ITGA8: variants seen among roughly 807,000 people sequenced by gnomAD.
The protein encoded by ITGA8 is integrin alpha-8.
Under a neutral mutation model 142.3 loss-of-function variants are expected in ITGA8, and 91 were observed. That is an observed-to-expected ratio of 0.64 (90% CI 0.54 to 0.76). The LOEUF (loss-of-function observed/expected upper bound fraction) is 0.76. Among genes scored for constraint, ITGA8 ranks in the 30% least tolerant of loss-of-function variants. The pLI, the probability that ITGA8 is intolerant of heterozygous loss-of-function variation, is 0.00. For synonymous variants in ITGA8, 505 were observed against 485.2 expected (o/e 1.04, Z -0.54); for missense variants, 1,406 against 1,327.7 (o/e 1.06, Z -0.92).
intron 2 of ITGA8, among the ~76,000 whole-genome samples, chr10:15,703,467 G>T (rs569522238): frequency 6.6e-6 from 1 of 152,278 alleles, no homozygotes; most frequent in South Asian, 2.1e-4. Flanking sequence ...AATACCTATG[G>T]ATTATACGAT....
intron 13 of ITGA8, 72 bp downstream of exon 13, chr10:15,643,958 G>A: frequency 7.3e-7 from 1 of 1,367,158 alleles, no homozygotes; most frequent in Non-Finnish European, 1.0e-6. Context: ...GCCTTTGCAT[G>A]ATGCATTTTT....
At chr10:15,598,024 G>A (rs879398414) in intron 20 of ITGA8, among the ~76,000 whole-genome samples, 5 of 152,064 alleles carry the variant, frequency 3.3e-5, no homozygotes, top group South Asian at 2.1e-4. Flanking sequence ...CTTCATGTCC[G>A]CATGCTTTTC....
rs1327333344 is a variant in ITGA8 at position 15,549,985 on chromosome 10, C to G, written c.2767-1417G>C. ...GGTGCTGATGTTGTTTGGCTATGTC[C>G]CCACCCAAATCTCATCTTGAATTGT... On this transcript the variant is annotated intron_variant, in intron 26 of 29. Transcript: ENST00000378076. 2.0e-5 allele frequency among the ~76,000 whole-genome samples: 3 copies of G among 152,096 alleles called. No individual in the cohort carries two copies. The East Asian group carries it at 5.8e-4, about 29-fold the overall frequency.
chr10:15,594,090 T>G (rs1464991153), intron 21 of ITGA8, among the ~76,000 whole-genome samples: 1 of 152,100 alleles, frequency 6.6e-6, no homozygotes, highest in East Asian at 1.9e-4. Context: ...TCCGCCCGCC[T>G]TGACCTCCCC....
intron 13 of ITGA8, among the ~76,000 whole-genome samples, chr10:15,626,606 C>T (rs998941935): frequency 1.3e-5 from 2 of 152,032 alleles, no homozygotes; most frequent in East Asian, 3.9e-4. Flanking sequence ...TGTCGTGAAA[C>T]AATGAACCTC....
At chr10:15,568,515 C>T (rs963711957) in intron 25 of ITGA8, among the ~76,000 whole-genome samples, 1 of 152,120 alleles carries the variant, frequency 6.6e-6, no homozygotes, top group Non-Finnish European at 1.5e-5. Flanking sequence ...AATACCTGAA[C>T]CTTGTTTGGG....
rs941232119 is a variant in ITGA8 at position 15,694,146 on chromosome 10, C to A, written c.344-6108G>T. Among the ~76,000 whole-genome samples, 303 of 143,088 alleles carry A rather than the reference C, an allele frequency of 2.1e-3. 2 individuals carry two copies. Among genetic ancestry groups the A allele is most frequent in the African/African-American group, 6.7e-3 (261 of 39,218 alleles). The allele number at this position is 143,088 out of a possible 152,430, so 93.9% of individuals were successfully genotyped here. A position where few individuals can be genotyped will look rare whatever the true frequency, so the allele number is the denominator to read the frequency against. The stretch of plus-strand genomic sequence containing the variant: ...TATCTATATTATATAGATAATATAT[C>A]ATATATCAGATAATATATCATATAT... On this transcript the variant is annotated intron_variant, in intron 2 of 29. Coordinates refer to ENST00000378076, the MANE Select transcript of ITGA8 (RefSeq NM_003638.3).
intron 28 of ITGA8, among the ~76,000 whole-genome samples, chr10:15,521,139 C>T (rs1833059916): frequency 6.6e-6 from 1 of 152,192 alleles, no homozygotes; most frequent in African/African-American, 2.4e-5. Context: ...GTGCCTTAGC[C>T]TCCCCAGTAG....
chr10:15,570,937 G>C (rs1834169721), intron 25 of ITGA8, among the ~76,000 whole-genome samples: 2 of 152,142 alleles, frequency 1.3e-5, no homozygotes, highest in Non-Finnish European at 2.9e-5. Flanking sequence ...TGCAATGCAG[G>C]ATATGTAAAA....
chr10:15,640,238 C>A (rs1013519455), intron 13 of ITGA8, among the ~76,000 whole-genome samples: 1 of 152,162 alleles, frequency 6.6e-6, no homozygotes, highest in Non-Finnish European at 1.5e-5. Context: ...TCCACGGGAC[C>A]GACCTGGGTG....
At position 15,608,216 on chromosome 10, in the gene ITGA8, A is replaced by G. The variant is rs758181311; in HGVS notation, c.1609+19T>C. 39 of 1,567,366 alleles carry G rather than the reference A, an allele frequency of 2.5e-5. No individual in the cohort carries two copies. The highest frequency in any genetic ancestry group is 2.9e-5 in the Non-Finnish European group (33 of 1,144,294). On this transcript the variant is annotated intron_variant, in intron 16 of 29. Transcript: ENST00000378076. ...TTTCTTAGTATACCATAAGAATGTA[A>G]AAATGAAAACATGCTTACCTATTGT...
At chr10:15,536,897 C>T (rs7911423) in intron 27 of ITGA8, among the ~76,000 whole-genome samples, 8,362 of 152,240 alleles carry the variant, frequency 0.055, 740 homozygotes, top group African/African-American at 0.19. Flanking sequence ...CTCCCAACTT[C>T]CAGCTGCTTA....
At chr10:15,687,449 G>A (rs1834852194) in intron 3 of ITGA8, among the ~76,000 whole-genome samples, 2 of 152,146 alleles carry the variant, frequency 1.3e-5, no homozygotes, top group Admixed American at 6.5e-5. Flanking sequence ...ATTTGAGAAT[G>A]AGTGTTTTTA....
At chr10:15,536,060 T>C (rs547030435) in intron 27 of ITGA8, among the ~76,000 whole-genome samples, 2 of 151,888 alleles carry the variant, frequency 1.3e-5, no homozygotes, top group East Asian at 1.9e-4. Context: ...GAAGAAACTC[T>C]GAACACATCC....
At chr10:15,585,483 C>T (rs1191422821) in intron 23 of ITGA8, among the ~76,000 whole-genome samples, 1 of 152,224 alleles carries the variant, frequency 6.6e-6, no homozygotes, top group Admixed American at 6.5e-5. Context: ...CCCATGGCAG[C>T]ACTGGCTCTG....
At chr10:15,596,031 A>G (rs948462701) in intron 21 of ITGA8, among the ~76,000 whole-genome samples, 1 of 152,242 alleles carries the variant, frequency 6.6e-6, no homozygotes, top group African/African-American at 2.4e-5. Context: ...AGCCTGGGCA[A>G]CAAGCGTGAA....
chr10:15,567,794 C>T (rs1186255607), intron 25 of ITGA8, among the ~76,000 whole-genome samples: 1 of 152,240 alleles, frequency 6.6e-6, no homozygotes, highest in Non-Finnish European at 1.5e-5. Context: ...TTCCTGATCT[C>T]CTGCAGCCCC....
chr10:15,637,504 A>ATTTTTTTTTTTTTTTTT (rs59157680), intron 13 of ITGA8, among the ~76,000 whole-genome samples: 3 of 131,162 alleles, frequency 2.3e-5, no homozygotes, highest in Non-Finnish European at 1.7e-5. Flanking sequence ...GACTCTTTAA[A>ATTTTTTTTTTTTTTTTT]TTTTTTTTTT....
chr10:15,587,225 C>G (rs1364943168), intron 22 of ITGA8, among the ~76,000 whole-genome samples: 1 of 152,152 alleles, frequency 6.6e-6, no homozygotes. Context: ...CCAGCCAAAA[C>G]TAACACTTTT....
Sources: allele counts gnomAD v4.1 joint callset (sites outside exome capture counted in the v4.1 genomes callset), GRCh38; gene constraint gnomAD v4.1.1; transcripts MANE v1.5; gene names NCBI Gene and HGNC (gene_info 2026-07-23, HGNC 2026-07-21).